The following KCND2 variants were observed in gnomAD, a reference collection of about 807,000 sequenced individuals.
KCND2 encodes potassium voltage-gated channel subfamily D member 2, also known as A-type voltage-gated potassium channel KCND2.
A neutral mutation model predicts 54.4 loss-of-function variants in KCND2; 16 were observed. That is an observed-to-expected ratio of 0.29 (90% CI 0.20 to 0.45). The LOEUF (loss-of-function observed/expected upper bound fraction) is 0.45. KCND2 is among the 20% of genes least tolerant of loss of function. KCND2 has a pLI of 1.00. For synonymous variants in KCND2, 317 were observed against 310.7 expected (o/e 1.02, Z -0.21); for missense variants, 486 against 824.2 (o/e 0.59, Z 5.02).
intron 1 of KCND2, among the ~76,000 whole-genome samples, chr7:120,391,000 A>G (rs939817110): frequency 1.3e-5 from 2 of 152,036 alleles, no homozygotes; most frequent in Non-Finnish European, 2.9e-5. Flanking sequence ...TGCTGCACCT[A>G]TCTACACATC....
intron 1 of KCND2, among the ~76,000 whole-genome samples, chr7:120,589,162 G>A (rs1584842738): frequency 6.6e-6 from 1 of 152,098 alleles, no homozygotes; most frequent in East Asian, 1.9e-4. Context: ...TCTTTCTAAG[G>A]TTAGAAAGTA....
intron 1 of KCND2, among the ~76,000 whole-genome samples, chr7:120,372,127 T>G (rs1800773660): frequency 6.6e-6 from 1 of 151,970 alleles, no homozygotes; most frequent in Non-Finnish European, 1.5e-5. Flanking sequence ...TCTTTGGTAT[T>G]GTTTTAGATA....
chr7:120,318,905 G>A (rs1272714992), intron 1 of KCND2, among the ~76,000 whole-genome samples: 1 of 151,934 alleles, frequency 6.6e-6, no homozygotes, highest in Non-Finnish European at 1.5e-5. Flanking sequence ...ATTAAACATA[G>A]CAATAGGAAG....
chr7:120,574,681 G>A (rs1439657746), intron 1 of KCND2, among the ~76,000 whole-genome samples: 2 of 151,862 alleles, frequency 1.3e-5, no homozygotes, highest in African/African-American at 2.4e-5. Flanking sequence ...CCTGGGCGTT[G>A]GAATTTTTAT....
intron 1 of KCND2, among the ~76,000 whole-genome samples, chr7:120,610,645 C>T (rs1792942357): frequency 6.6e-6 from 1 of 152,032 alleles, no homozygotes; most frequent in African/African-American, 2.4e-5. Flanking sequence ...CAAATAAATT[C>T]CCTTCCCCCA....
chr7:120,571,116 A>T (rs1792360616), intron 1 of KCND2, among the ~76,000 whole-genome samples: 1 of 152,142 alleles, frequency 6.6e-6, no homozygotes, highest in Admixed American at 6.6e-5. Context: ...TCGTGTAAGT[A>T]CTTCTTCACA....
At chr7:120,624,582 C>G (rs1433623872) in intron 1 of KCND2, among the ~76,000 whole-genome samples, 1 of 152,012 alleles carries the variant, frequency 6.6e-6, no homozygotes, top group East Asian at 1.9e-4. Context: ...GAGTTCAAGA[C>G]CAGCCTGGAC....
intron 1 of KCND2, among the ~76,000 whole-genome samples, chr7:120,731,463 G>A (rs886793037): frequency 2.6e-5 from 4 of 152,154 alleles, no homozygotes; most frequent in African/African-American, 9.7e-5. Flanking sequence ...AGGCCAGATG[G>A]CCAGTGTGGC....
chr7:120,484,719 AC>A (rs1802668442), intron 1 of KCND2, among the ~76,000 whole-genome samples: 1 of 151,760 alleles, frequency 6.6e-6, no homozygotes, highest in Non-Finnish European at 1.5e-5. Context: ...ACACACACAC[AC>A]ACACACACAC....
chr7:120,730,239 G>A (rs984319527), intron 1 of KCND2, among the ~76,000 whole-genome samples: 6 of 152,052 alleles, frequency 3.9e-5, no homozygotes, highest in African/African-American at 7.2e-5. Context: ...GTGTGCGCGC[G>A]TGCGTGTGTG....
chr7:120,436,014 A>C (rs1400364278), intron 1 of KCND2, among the ~76,000 whole-genome samples: 9 of 152,222 alleles, frequency 5.9e-5, no homozygotes, highest in Admixed American at 5.9e-4. Flanking sequence ...CGAAATGCTG[A>C]ATATCCTCAA....
intron 1 of KCND2, among the ~76,000 whole-genome samples, chr7:120,564,479 A>G (rs985768840): frequency 2.6e-5 from 4 of 152,188 alleles, no homozygotes; most frequent in African/African-American, 9.6e-5. Flanking sequence ...CCCAGCAAAT[A>G]TATAAATACA....
chr7:120,659,556 T>G (rs991366091), intron 1 of KCND2, among the ~76,000 whole-genome samples: 3 of 152,202 alleles, frequency 2.0e-5, no homozygotes, highest in Non-Finnish European at 4.4e-5. Flanking sequence ...TACATTTACA[T>G]TGCAATTGTG....
intron 1 of KCND2, chr7:120,464,016 T>G: frequency 1.0e-6 from 1 of 962,192 alleles, no homozygotes; most frequent in Non-Finnish European, 1.2e-6. Context: ...TTCTTAGTTT[T>G]GTTTTTTTTT....
At chr7:120,328,391 T>C (rs1800012311) in intron 1 of KCND2, among the ~76,000 whole-genome samples, 1 of 152,204 alleles carries the variant, frequency 6.6e-6, no homozygotes, top group South Asian at 2.1e-4. Context: ...GATTACATTT[T>C]ATTATCCTCA....
At chr7:120,426,724 C>A (rs1392337170) in intron 1 of KCND2, among the ~76,000 whole-genome samples, 1 of 151,172 alleles carries the variant, frequency 6.6e-6, no homozygotes, top group Non-Finnish European at 1.5e-5. Context: ...CAGGTTCATG[C>A]CATTCTCTTG....
At position 120,359,536 on chromosome 7, in the gene KCND2, G is replaced by T. The variant is rs184844044; in HGVS notation, c.1115+83789G>T. On this transcript the variant is annotated intron_variant, in intron 1 of 5. Coordinates refer to ENST00000331113, the MANE Select transcript of KCND2 (RefSeq NM_012281.3). The stretch of plus-strand genomic sequence containing the variant: ...ATGTTACATCTATTTTGTATAAATG[G>T]TAATGTAAATGTAGTTCCTCGTTAT... Among the ~76,000 whole-genome samples the T allele has an allele frequency of 3.3e-5, 5 of 152,204 alleles. No individual in the cohort carries two copies. In the East Asian group the frequency reaches 9.7e-4, roughly 29 times the overall value.
At chr7:120,388,675 T>G (rs1306765389) in intron 1 of KCND2, among the ~76,000 whole-genome samples, 1 of 151,934 alleles carries the variant, frequency 6.6e-6, no homozygotes, top group Non-Finnish European at 1.5e-5. Context: ...CCAATCCAGA[T>G]GAACTAGAAC....
chr7:120,656,772 A>T (rs1244123971), intron 1 of KCND2, among the ~76,000 whole-genome samples: 1 of 152,004 alleles, frequency 6.6e-6, no homozygotes, highest in Non-Finnish European at 1.5e-5. Flanking sequence ...TTATTCTTTC[A>T]CCTTGTGCAA....
Sources: gnomAD v4.1 joint callset for allele counts (sites outside exome capture counted in the v4.1 genomes callset) on GRCh38, gnomAD v4.1.1 for gene constraint, MANE v1.5 for transcripts, NCBI Gene and HGNC (gene_info 2026-07-23, HGNC 2026-07-21) for gene names.